KCNB2: variants seen among roughly 807,000 people sequenced by gnomAD.
The protein encoded by KCNB2 is delayed rectifier potassium channel protein.
KCNB2 carries 15 observed loss-of-function variants against 61.5 expected under a neutral mutation model. The observed-to-expected ratio is 0.24, with a 90% CI of 0.16 to 0.38. The LOEUF is 0.38. Ranked by LOEUF, KCNB2 falls within the 10% of genes least tolerant of loss-of-function variation. The pLI is 1.00. For missense variants in KCNB2, 828 were observed against 1,125.2 expected, an observed-to-expected ratio of 0.74 and a Z score of 3.78; for synonymous variants, 457 against 446.0, an observed-to-expected ratio of 1.02 and a Z score of -0.31.
chr8:72,794,230 A>C (rs115457379), intron 2 of KCNB2, among the ~76,000 whole-genome samples: 202 of 152,276 alleles, frequency 1.3e-3, no homozygotes, highest in African/African-American at 4.5e-3. Flanking sequence ...TAGAGTCTAC[A>C]ACATTTACTG....
chr8:72,661,975 A>C (rs1163028526), intron 2 of KCNB2, among the ~76,000 whole-genome samples: 1 of 152,192 alleles, frequency 6.6e-6, no homozygotes, highest in African/African-American at 2.4e-5. Context: ...CTTCCATTAA[A>C]GTTGACTAAA....
intron 2 of KCNB2, among the ~76,000 whole-genome samples, chr8:72,900,490 A>G (rs1239654270): frequency 2.6e-5 from 4 of 152,206 alleles, no homozygotes; most frequent in Non-Finnish European, 4.4e-5. Context: ...ACAAAAATTG[A>G]CATGTGGAAC....
chr8:72,777,579 C>A (rs532767850), intron 2 of KCNB2, among the ~76,000 whole-genome samples: 3 of 152,206 alleles, frequency 2.0e-5, no homozygotes, highest in Non-Finnish European at 2.9e-5. Flanking sequence ...TTAATTGTTG[C>A]CACCATGTTT....
chr8:72,641,824 A>T (rs1339087400), intron 2 of KCNB2, among the ~76,000 whole-genome samples: 1 of 152,158 alleles, frequency 6.6e-6, no homozygotes, highest in Non-Finnish European at 1.5e-5. Flanking sequence ...TACTGTATAT[A>T]AAAGAACATA....
At chr8:72,664,814 T>C (rs1005043454) in intron 2 of KCNB2, among the ~76,000 whole-genome samples, 2 of 152,120 alleles carry the variant, frequency 1.3e-5, no homozygotes, top group African/African-American at 4.8e-5. Flanking sequence ...TGCAAATGCA[T>C]GAGACTAGTT....
intron 2 of KCNB2, among the ~76,000 whole-genome samples, chr8:72,640,327 G>T (rs1289243025): frequency 6.6e-6 from 1 of 152,050 alleles, no homozygotes. Flanking sequence ...AATCAAGGAG[G>T]AATGAGTAAG....
At chr8:72,725,533 ATATATATG>A (rs1292772323) in intron 2 of KCNB2, among the ~76,000 whole-genome samples, 2 of 23,144 alleles carry the variant, frequency 8.6e-5, no homozygotes, top group African/African-American at 4.8e-4. Context: ...ATATATATAT[ATATATATG>A]TGTGTATATA....
At chr8:72,935,118 C>T (rs913635493) in intron 2 of KCNB2, among the ~76,000 whole-genome samples, 1 of 152,068 alleles carries the variant, frequency 6.6e-6, no homozygotes, top group African/African-American at 2.4e-5. Context: ...CAAGGTCACC[C>T]AATAAGTGGT....
chr8:72,890,284 G>A (rs1805875300), intron 2 of KCNB2, among the ~76,000 whole-genome samples: 1 of 152,182 alleles, frequency 6.6e-6, no homozygotes, highest in Admixed American at 6.5e-5. Flanking sequence ...CACTGAAGGA[G>A]CTTTTCAAGT....
chr8:72,756,592 G>T (rs1394568495), intron 2 of KCNB2, among the ~76,000 whole-genome samples: 1 of 152,190 alleles, frequency 6.6e-6, no homozygotes, highest in African/African-American at 2.4e-5. Flanking sequence ...CTTCCTAATT[G>T]ATTCCAATGT....
chr8:72,620,043 G>T (rs990056038), intron 2 of KCNB2, among the ~76,000 whole-genome samples: 11 of 152,184 alleles, frequency 7.2e-5, no homozygotes, highest in Non-Finnish European at 1.3e-4. Context: ...TATACTGATT[G>T]CATGCTGCAA....
At chr8:72,718,497 A>C (rs1807486725) in intron 2 of KCNB2, among the ~76,000 whole-genome samples, 1 of 152,180 alleles carries the variant, frequency 6.6e-6, no homozygotes, top group Non-Finnish European at 1.5e-5. Context: ...AAAAATGATG[A>C]GTTCATCTCT....
At chr8:72,796,932 A>G (rs7812903) in intron 2 of KCNB2, among the ~76,000 whole-genome samples, 21,457 of 152,238 alleles carry the variant, frequency 0.14, 1,828 homozygotes, top group South Asian at 0.3. Flanking sequence ...TCCTGAGCAG[A>G]GAAAGCTTGC....
intron 2 of KCNB2, among the ~76,000 whole-genome samples, chr8:72,823,659 C>T (rs1332969116): frequency 6.6e-6 from 1 of 152,174 alleles, no homozygotes; most frequent in East Asian, 1.9e-4. Flanking sequence ...TTATAGCTCA[C>T]ATTTATTAAG....
Position 72,583,112 on chromosome 8 carries a change from C to A in KCNB2, c.579+14799C>A, listed in dbSNP as rs140060152. 4.7e-3 allele frequency among the ~76,000 whole-genome samples: 709 copies of A among 151,920 alleles called. 6 individuals are homozygous for A. Among genetic ancestry groups the A allele is most frequent in the African/African-American group, 0.016 (680 of 41,468 alleles). On this transcript the variant is annotated intron_variant, in intron 2 of 2. Transcript: ENST00000523207. ...AAATATTAGGCATTCCTTTTTCTTT[C>A]AAAAATGCTTTTTATCAGCATGCTA...
chr8:72,546,486 C>A (rs1454393861), intron 1 of KCNB2, among the ~76,000 whole-genome samples: 3 of 149,918 alleles, frequency 2.0e-5, no homozygotes, highest in Non-Finnish European at 4.4e-5. Context: ...CACTGCACTC[C>A]AGCCTGGGTG....
At chr8:72,705,890 G>A (rs970236423) in intron 2 of KCNB2, among the ~76,000 whole-genome samples, 6 of 152,228 alleles carry the variant, frequency 3.9e-5, no homozygotes, top group South Asian at 2.1e-4. Flanking sequence ...AAGACCTGAG[G>A]TGCTATGCAG....
chr8:72,640,615 T>C (rs1348138698), intron 2 of KCNB2, among the ~76,000 whole-genome samples: 2 of 152,136 alleles, frequency 1.3e-5, no homozygotes, highest in Non-Finnish European at 2.9e-5. Context: ...TTAAAATTTA[T>C]ATTTTTAAGC....
At chr8:72,826,950 T>C (rs1809605352) in intron 2 of KCNB2, among the ~76,000 whole-genome samples, 1 of 152,362 alleles carries the variant, frequency 6.6e-6, no homozygotes, top group African/African-American at 2.4e-5. Flanking sequence ...TTTTCTGCCA[T>C]ATTTGTTTTA....
Sources: allele counts gnomAD v4.1 joint callset (sites outside exome capture counted in the v4.1 genomes callset), GRCh38; gene constraint gnomAD v4.1.1; transcripts MANE v1.5; gene names NCBI Gene and HGNC (gene_info 2026-07-23, HGNC 2026-07-21).